The following ELP4 variants were observed in gnomAD, a reference collection of about 807,000 sequenced individuals.
ELP4 encodes the protein elongator acetyltransferase complex subunit 4.
Under a neutral mutation model 48.9 loss-of-function variants are expected in ELP4, and 51 were observed. The ratio of observed to expected loss-of-function variants is 1.04; its 90% CI spans 0.83 to 1.32. ELP4 has a LOEUF of 1.32. Among genes scored for constraint, ELP4 ranks in the 40% most tolerant of loss-of-function variants. ELP4 has a pLI of 0.00. For missense variants in ELP4, 519 were observed against 514.6 expected (o/e 1.01, Z -0.08); for synonymous variants, 210 against 189.2 (o/e 1.11, Z -0.90).
At chr11:31,548,266 G>T (rs547604942) in intron 3 of ELP4, among the ~76,000 whole-genome samples, 4 of 152,030 alleles carry the variant, frequency 2.6e-5, no homozygotes, top group Non-Finnish European at 4.4e-5. Context: ...TCTCCTTAGC[G>T]GATAAGCAAC....
chr11:31,722,317 T>G (rs1946979957), intron 9 of ELP4, among the ~76,000 whole-genome samples: 1 of 152,234 alleles, frequency 6.6e-6, no homozygotes, highest in Non-Finnish European at 1.5e-5. Flanking sequence ...AGTCAGTACT[T>G]AATTTCCACT....
At chr11:31,535,783 T>C (rs1211861093) in intron 2 of ELP4, among the ~76,000 whole-genome samples, 3 of 152,250 alleles carry the variant, frequency 2.0e-5, no homozygotes, top group African/African-American at 7.2e-5. Flanking sequence ...TAACCTCTCC[T>C]TTCTGTCATT....
rs1949177293 is a variant in ELP4, at chr11:31,789,837, T to G, written c.*6313T>G. 6 of 1,154,274 alleles carry G rather than the reference T, an allele frequency of 5.2e-6. No homozygotes were observed. Among genetic ancestry groups the G allele is most frequent in the Non-Finnish European group, 7.6e-6 (6 of 785,062 alleles). The allele number at this position is 1,154,274 out of a possible 1,614,324, so 71.5% of individuals were successfully genotyped here. The stretch of plus-strand genomic sequence containing the variant: ...AGAACTGAAGCGGCTCTAACAGCCA[T>G]TTTTCTTTCTTTCCTGAAAGCTCAA... On this transcript the variant is annotated 3_prime_UTR_variant, in exon 10 of 10. Coordinates refer to ENST00000640961, the MANE Select transcript of ELP4 (RefSeq NM_019040.5).
intron 1 of ELP4, chr11:31,511,206 G>A (rs902029649): frequency 1.3e-5 from 2 of 152,132 alleles, no homozygotes; most frequent in Non-Finnish European, 2.9e-5. Context: ...ACTGTAAATA[G>A]AAGTGATTCA....
intron 3 of ELP4, among the ~76,000 whole-genome samples, chr11:31,583,055 CAGTT>C (rs941243870): frequency 1.5e-4 from 23 of 152,114 alleles, no homozygotes; most frequent in Non-Finnish European, 2.9e-4. Flanking sequence ...TTCTCTTGCA[CAGTT>C]AGTTGGTGGA....
At chr11:31,622,004 G>C (rs1592165969) in intron 5 of ELP4, among the ~76,000 whole-genome samples, 1 of 151,810 alleles carries the variant, frequency 6.6e-6, no homozygotes, top group Admixed American at 6.6e-5. Flanking sequence ...ACCATAAAAT[G>C]GGGAGAATGA....
At chr11:31,554,234 A>G (rs185034565) in intron 3 of ELP4, among the ~76,000 whole-genome samples, 14 of 152,316 alleles carry the variant, frequency 9.2e-5, no homozygotes, top group Non-Finnish European at 1.3e-4. Context: ...CTCTTGAATC[A>G]TCCAGAAACC....
chr11:31,550,912 T>G (rs1194607635), intron 3 of ELP4, among the ~76,000 whole-genome samples: 1 of 152,222 alleles, frequency 6.6e-6, no homozygotes, highest in Admixed American at 6.5e-5. Flanking sequence ...TGACCCCTTA[T>G]GCTTTCACTT....
At chr11:31,543,364 G>C (rs575370736) in intron 3 of ELP4, among the ~76,000 whole-genome samples, 7 of 152,092 alleles carry the variant, frequency 4.6e-5, no homozygotes, top group Non-Finnish European at 7.4e-5. Flanking sequence ...GTGTCACCCA[G>C]GCTGGAGTGT....
intron 4 of ELP4, 145 bp downstream of exon 4, chr11:31,595,046 A>G (rs1413192312): frequency 9.6e-6 from 6 of 627,510 alleles, no homozygotes; most frequent in Non-Finnish European, 1.2e-5. Flanking sequence ...AAGATGATCT[A>G]TTTCTTACAA....
intron 9 of ELP4, among the ~76,000 whole-genome samples, chr11:31,776,652 A>G (rs1948254280): frequency 6.6e-6 from 1 of 152,234 alleles, no homozygotes; most frequent in South Asian, 2.1e-4. Context: ...TGTCAGTTAT[A>G]ATTGACGGTC....
At chr11:31,518,681 G>C (rs1437939069) in intron 1 of ELP4, among the ~76,000 whole-genome samples, 1 of 151,368 alleles carries the variant, frequency 6.6e-6, no homozygotes, top group East Asian at 2.0e-4. Context: ...TGAATCACGA[G>C]GTCAGGAGTT....
chr11:31,524,773 A>T (rs1395146925), intron 2 of ELP4, among the ~76,000 whole-genome samples: 2 of 152,098 alleles, frequency 1.3e-5, no homozygotes, highest in Non-Finnish European at 2.9e-5. Flanking sequence ...TCATGCAATA[A>T]ATTCTGAGCT....
chr11:31,640,742 A>G (rs954205451), intron 7 of ELP4, among the ~76,000 whole-genome samples: 3 of 151,984 alleles, frequency 2.0e-5, no homozygotes, highest in African/African-American at 7.2e-5. Context: ...CTGTGGCTGA[A>G]AGCTTCCAAA....
intron 2 of ELP4, among the ~76,000 whole-genome samples, chr11:31,538,746 T>G (rs567668553): frequency 1.3e-5 from 2 of 152,236 alleles, no homozygotes; most frequent in Admixed American, 6.5e-5. Context: ...AGAATTATTT[T>G]CATATATTTT....
chr11:31,736,305 C>A (rs1235262315), intron 9 of ELP4, among the ~76,000 whole-genome samples: 1 of 152,154 alleles, frequency 6.6e-6, no homozygotes, highest in African/African-American at 2.4e-5. Context: ...CCCTTCCTTA[C>A]ACCTTATACA....
rs1946461967 is a variant in ELP4 at position 31,698,736 on chromosome 11, CT to C, written c.1143+48516del. On this transcript the variant is annotated intron_variant, in intron 9 of 9. Coordinates refer to ENST00000640961, the MANE Select transcript of ELP4 (RefSeq NM_019040.5). Reference sequence around the variant, plus strand: ...CTGGAAATTTTAAATTATATTTTTCCTATATTTCTACCTGATTCTCTGACCT... The same window carrying C: ...CTGGAAATTTTAAATTATATTTTTCCATATTTCTACCTGATTCTCTGACCT... 2.0e-5 allele frequency among the ~76,000 whole-genome samples: 3 copies of C among 151,996 alleles called. No homozygotes were observed. The South Asian group carries it at 6.2e-4, about 32-fold the overall frequency.
At chr11:31,759,084 G>A (rs996445524) in intron 9 of ELP4, among the ~76,000 whole-genome samples, 1 of 152,068 alleles carries the variant, frequency 6.6e-6, no homozygotes, top group Non-Finnish European at 1.5e-5. Context: ...TGCTTAATAT[G>A]TTTTTATTTA....
intron 2 of ELP4, among the ~76,000 whole-genome samples, chr11:31,536,230 A>G (rs759088288): frequency 2.0e-5 from 3 of 152,008 alleles, no homozygotes; most frequent in Non-Finnish European, 4.4e-5. Context: ...AACCTTCTGT[A>G]TAAATCTATG....
Sources: gnomAD v4.1 joint callset for allele counts (sites outside exome capture counted in the v4.1 genomes callset) on GRCh38, gnomAD v4.1.1 for gene constraint, MANE v1.5 for transcripts, NCBI Gene and HGNC (gene_info 2026-07-23, HGNC 2026-07-21) for gene names.